The following LRRTM3 variants were observed in gnomAD, a reference collection of about 807,000 sequenced individuals.
LRRTM3 encodes the protein leucine rich repeat transmembrane neuronal 3.
In LRRTM3, 24 loss-of-function variants were observed where a neutral mutation model predicts 44.7. That is an observed-to-expected ratio of 0.54 (90% confidence interval 0.39 to 0.76). The LOEUF (loss-of-function observed/expected upper bound fraction) is 0.76, where lower values mean the gene tolerates loss of function less well. Among genes scored for constraint, LRRTM3 ranks in the 30% least tolerant of loss-of-function variants. LRRTM3 has a pLI of 0.00. For missense variants in LRRTM3, 587 were observed against 702.2 expected, an observed-to-expected ratio of 0.84 and a Z score of 1.85; for synonymous variants, 277 against 278.7, an observed-to-expected ratio of 0.99 and a Z score of 0.06.
At chr10:67,041,257 C>A (rs1261804204) in intron 2 of LRRTM3, among the ~76,000 whole-genome samples, 1 of 152,002 alleles carries the variant, frequency 6.6e-6, no homozygotes, top group Non-Finnish European at 1.5e-5. Flanking sequence ...GAATGTGAAC[C>A]AACTAGTGCT....
intron 2 of LRRTM3, among the ~76,000 whole-genome samples, chr10:67,034,677 G>A (rs111773330): frequency 0.014 from 2,119 of 152,158 alleles, 59 homozygotes; most frequent in African/African-American, 0.048. Context: ...TTTCTCAAAC[G>A]AACTTATTTA....
chr10:67,082,846 G>A (rs1244507842), intron 2 of LRRTM3, among the ~76,000 whole-genome samples: 1 of 152,098 alleles, frequency 6.6e-6, no homozygotes, highest in Admixed American at 6.6e-5. Context: ...GTAGTCTGGG[G>A]GATGGACCAC....
At chr10:67,091,637 A>C (rs1422968663) in intron 2 of LRRTM3, among the ~76,000 whole-genome samples, 1 of 152,110 alleles carries the variant, frequency 6.6e-6, no homozygotes, top group African/African-American at 2.4e-5. Flanking sequence ...GAGACCAGTC[A>C]TAGTCACTAA....
At chr10:67,071,706 G>A (rs951831706) in intron 2 of LRRTM3, among the ~76,000 whole-genome samples, 10 of 151,866 alleles carry the variant, frequency 6.6e-5, no homozygotes, top group Admixed American at 3.3e-4. Context: ...GCATCTCCCC[G>A]TGTATTCTCT....
intron 2 of LRRTM3, chr10:67,015,262 T>G (rs1852587371): frequency 6.6e-6 from 1 of 152,184 alleles, no homozygotes; most frequent in African/African-American, 2.4e-5. Flanking sequence ...GCTGTTATTT[T>G]TTATCCATAG....
At position 67,004,022 on chromosome 10, in the gene LRRTM3, A is replaced by G. The variant is rs191216865; in HGVS notation, c.1536+75570A>G. ...CAATTACAAATATTGAGTGGAGGTA[A>G]TATTTGTGGACATTGAATCAAACCA... On this transcript the variant is annotated intron_variant, in intron 2 of 2. Coordinates refer to ENST00000361320, the MANE Select transcript of LRRTM3 (RefSeq NM_178011.5). Among the ~76,000 whole-genome samples, 61 of 152,212 alleles carry G rather than the reference A, an allele frequency of 4.0e-4. 1 individual carries two copies. The East Asian group carries it at 0.012, about 29-fold the overall frequency.
chr10:66,928,182 G>C lies in LRRTM3; in HGVS notation c.1266G>C (p.Ala422=), dbSNP rs1239177849. 1 of 1,614,066 alleles carries C rather than the reference G, an allele frequency of 6.2e-7. No individual in the cohort carries two copies. Among genetic ancestry groups the C allele is most frequent in the East Asian group, 2.2e-5 (1 of 44,874 alleles). Residue 422 remains alanine, a synonymous_variant, in exon 2 of 3, where the codon GCG becomes GCC. Coordinates refer to ENST00000361320, the MANE Select transcript of LRRTM3 (RefSeq NM_178011.5). ...ACATCTCTTTCCATAAAATCATCGC[G>C]GGCAGCGTGGCGCTTTTCCTGTCCG... is the stretch of plus-strand genomic sequence containing the variant. ...AEHISFHKII[A]GSVALFLSVL...
chr10:66,942,255 C>G (rs1302086514), intron 2 of LRRTM3, among the ~76,000 whole-genome samples: 1 of 152,064 alleles, frequency 6.6e-6, no homozygotes, highest in African/African-American at 2.4e-5. Flanking sequence ...CATAAATTGC[C>G]AAGTCTGCAA....
At chr10:67,038,417 G>C (rs536479771) in intron 2 of LRRTM3, among the ~76,000 whole-genome samples, 7 of 151,892 alleles carry the variant, frequency 4.6e-5, no homozygotes, top group African/African-American at 1.7e-4. Context: ...ACAAAAATAC[G>C]TACTATAAGA....
chr10:66,937,867 A>G (rs967710458), intron 2 of LRRTM3, among the ~76,000 whole-genome samples: 11 of 152,212 alleles, frequency 7.2e-5, no homozygotes, highest in Non-Finnish European at 1.5e-4. Context: ...ATGTCTTATT[A>G]ATCTTTTCCT....
chr10:67,045,738 C>A (rs561133064), intron 2 of LRRTM3, among the ~76,000 whole-genome samples: 17 of 152,228 alleles, frequency 1.1e-4, no homozygotes, highest in African/African-American at 3.8e-4. Flanking sequence ...GCCAAGGCCC[C>A]CCTCTGTTTT....
intron 2 of LRRTM3, among the ~76,000 whole-genome samples, chr10:66,997,531 G>A (rs1243022274): frequency 6.6e-6 from 1 of 152,082 alleles, no homozygotes; most frequent in Non-Finnish European, 1.5e-5. Flanking sequence ...AAAACTTTTA[G>A]ATCCCTGCTA....
chr10:67,011,607 A>G (rs1852343735), intron 2 of LRRTM3, among the ~76,000 whole-genome samples: 1 of 152,092 alleles, frequency 6.6e-6, no homozygotes, highest in Non-Finnish European at 1.5e-5. Flanking sequence ...TTTCCCTAAA[A>G]TTTTTAGTAG....
chr10:67,085,924 A>G (rs950643721), intron 2 of LRRTM3, among the ~76,000 whole-genome samples: 1 of 152,050 alleles, frequency 6.6e-6, no homozygotes, highest in Non-Finnish European at 1.5e-5. Flanking sequence ...GACGTTATCT[A>G]TATAAAGCCT....
chr10:67,044,428 CT>C (rs1384811852), intron 2 of LRRTM3, among the ~76,000 whole-genome samples: 1 of 151,986 alleles, frequency 6.6e-6, no homozygotes, highest in Non-Finnish European at 1.5e-5. Context: ...TAAAAACTTG[CT>C]TTTAAGAAGA....
chr10:66,988,038 G>C (rs966301505), intron 2 of LRRTM3, among the ~76,000 whole-genome samples: 1 of 152,074 alleles, frequency 6.6e-6, no homozygotes, highest in South Asian at 2.1e-4. Flanking sequence ...ATATAATTTA[G>C]TCTTTTTGTC....
At chr10:67,045,372 T>A (rs2133162420) in intron 2 of LRRTM3, among the ~76,000 whole-genome samples, 1 of 152,258 alleles carries the variant, frequency 6.6e-6, no homozygotes, top group East Asian at 1.9e-4. Context: ...ACCAAATACC[T>A]CCATTTTTTA....
intron 2 of LRRTM3, among the ~76,000 whole-genome samples, chr10:67,065,042 A>T (rs142000225): frequency 1.4e-3 from 213 of 152,310 alleles, no homozygotes; most frequent in African/African-American, 4.9e-3. Context: ...CTACATAGCA[A>T]GTCCCATAAA....
chr10:66,960,398 C>T (rs961552030), intron 2 of LRRTM3, among the ~76,000 whole-genome samples: 4 of 152,040 alleles, frequency 2.6e-5, no homozygotes, highest in Admixed American at 2.0e-4. Flanking sequence ...TGGAAAATAC[C>T]AGCTAAGTCT....
Sources: gnomAD v4.1 joint callset for allele counts (sites outside exome capture counted in the v4.1 genomes callset) on GRCh38, gnomAD v4.1.1 for gene constraint, MANE v1.5 for transcripts, NCBI Gene and HGNC (gene_info 2026-07-23, HGNC 2026-07-21) for gene names.